ATP2B1: variants seen among roughly 807,000 people sequenced by gnomAD.
ATP2B1 encodes the protein ATPase plasma membrane Ca2+ transporting 1, also known as plasma membrane calcium-transporting ATPase 1.
In ATP2B1, 14 loss-of-function variants were observed where a neutral mutation model predicts 124.2. The ratio of observed to expected loss-of-function variants is 0.11; its 90% CI spans 0.07 to 0.18. ATP2B1 has a LOEUF of 0.18. Among genes scored for constraint, ATP2B1 ranks in the 10% least tolerant of loss-of-function variants. The pLI is 1.00. For missense variants in ATP2B1, 763 were observed against 1,466.1 expected (o/e 0.52, Z 7.83); for synonymous variants, 449 against 492.4 (o/e 0.91, Z 1.17).
intron 1 of ATP2B1, among the ~76,000 whole-genome samples, chr12:89,675,874 A>G (rs1399747703): frequency 6.6e-6 from 1 of 152,184 alleles, no homozygotes; most frequent in Non-Finnish European, 1.5e-5. Context: ...AGTTATTTTT[A>G]GTATTATTAT....
chr12:89,645,774 G>A (rs1234520708), intron 2 of ATP2B1, among the ~76,000 whole-genome samples: 1 of 152,182 alleles, frequency 6.6e-6, no homozygotes, highest in South Asian at 2.1e-4. Flanking sequence ...TAAGAACATG[G>A]GGGCTAGGGA....
chr12:89,655,189 C>A (rs1438814691), intron 2 of ATP2B1, among the ~76,000 whole-genome samples: 1 of 152,132 alleles, frequency 6.6e-6, no homozygotes, highest in Non-Finnish European at 1.5e-5. Context: ...AACTAACTTC[C>A]ATCTCTTCTA....
At chr12:89,619,945 C>A (rs962485807) in intron 11 of ATP2B1, 54 bp downstream of exon 11, 1 of 1,593,414 alleles carries the variant, frequency 6.3e-7, no homozygotes, top group Non-Finnish European at 8.6e-7. Flanking sequence ...ACAGTAGATA[C>A]TCCATAAAGC....
chr12:89,588,473 A>C lies in ATP2B1; in HGVS notation c.*2511T>G, dbSNP rs1307068846. Reference sequence around the variant, plus strand: ...CAAAATTAAACAATTTTTTGGTTAGAGGATAAAAGAGAAAAAGTGATTGAA... The same window carrying C: ...CAAAATTAAACAATTTTTTGGTTAGCGGATAAAAGAGAAAAAGTGATTGAA... On this transcript the variant is annotated 3_prime_UTR_variant, in exon 21 of 21. Transcript: ENST00000428670. The C allele has an allele frequency of 1.3e-5, 2 of 152,604 alleles. No homozygotes were observed. Among genetic ancestry groups the C allele is most frequent in the Non-Finnish European group, 2.9e-5 (2 of 68,012 alleles). The allele number at this position is 152,604 out of a possible 1,614,324, so 9.5% of individuals were successfully genotyped here.
intron 1 of ATP2B1, among the ~76,000 whole-genome samples, chr12:89,659,672 C>T (rs1475351909): frequency 1.3e-5 from 2 of 152,074 alleles, no homozygotes; most frequent in African/African-American, 4.8e-5. Context: ...CCTGTAATCC[C>T]AGCACTTTGG....
rs575362891 is a variant in ATP2B1 at position 89,691,180 on chromosome 12, G to GA, written c.-222+17415dup. Among the ~76,000 whole-genome samples the GA allele has an allele frequency of 3.1e-3, 472 of 150,596 alleles. 2 individuals carry two copies. The highest frequency in any genetic ancestry group is 0.02 in the South Asian group (93 of 4,758). On this transcript the variant is annotated intron_variant, in intron 1 of 20. Coordinates refer to ENST00000428670, the MANE Select transcript of ATP2B1 (RefSeq NM_001366521.1). ...ACTGATTCATTTCTCTGTCTACAGG[G>GA]AAAAAAAAATCATCATCCTATTTAG... is the stretch of plus-strand genomic sequence containing the variant.
chr12:89,650,941 C>T (rs959600798), intron 2 of ATP2B1, among the ~76,000 whole-genome samples: 6 of 152,066 alleles, frequency 3.9e-5, no homozygotes, highest in Non-Finnish European at 8.8e-5. Context: ...TAATTTTATG[C>T]AGTTAGGATG....
intron 6 of ATP2B1, among the ~76,000 whole-genome samples, chr12:89,628,027 C>A (rs1881174633): frequency 6.6e-6 from 1 of 151,532 alleles, no homozygotes; most frequent in African/African-American, 2.4e-5. Flanking sequence ...CAAATATAAC[C>A]CCAAGAAAGC....
chr12:89,654,695 G>T (rs1885739740), intron 2 of ATP2B1, among the ~76,000 whole-genome samples: 1 of 152,182 alleles, frequency 6.6e-6, no homozygotes, highest in East Asian at 1.9e-4. Context: ...TTTTGGAAAA[G>T]ACTTTTTGCT....
At chr12:89,641,481 C>T (rs564943049) in intron 3 of ATP2B1, among the ~76,000 whole-genome samples, 1 of 152,242 alleles carries the variant, frequency 6.6e-6, no homozygotes, top group Admixed American at 6.5e-5. Flanking sequence ...GTTTCATATA[C>T]ACCTTATACA....
intron 1 of ATP2B1, among the ~76,000 whole-genome samples, chr12:89,700,359 C>T (rs1427646002): frequency 6.6e-6 from 1 of 152,094 alleles, no homozygotes; most frequent in African/African-American, 2.4e-5. Context: ...TACCCTTTAA[C>T]TCAGTAGTTC....
intron 2 of ATP2B1, among the ~76,000 whole-genome samples, chr12:89,654,851 T>A (rs530137779): frequency 5.0e-4 from 76 of 152,294 alleles, no homozygotes; most frequent in Non-Finnish European, 9.3e-4. Flanking sequence ...TAATTTCTCA[T>A]CCTTAATAAA....
At chr12:89,645,423 G>C (rs1432903499) in intron 2 of ATP2B1, among the ~76,000 whole-genome samples, 1 of 152,122 alleles carries the variant, frequency 6.6e-6, no homozygotes, top group Non-Finnish European at 1.5e-5. Context: ...GTGTGAACAA[G>C]AACATTCAAT....
intron 2 of ATP2B1, among the ~76,000 whole-genome samples, chr12:89,647,349 A>G (rs79655963): frequency 0.02 from 3,084 of 152,298 alleles, 85 homozygotes; most frequent in African/African-American, 0.069. Context: ...ATAAAAGTCT[A>G]TATTTGATCT....
At position 89,610,666 on chromosome 12, in the gene ATP2B1, C is replaced by A. The variant is rs375777168; in HGVS notation, c.2248-158G>T. 126 of 626,956 alleles carry A rather than the reference C, an allele frequency of 2.0e-4. 2 individuals carry two copies. The South Asian group carries it at 2.4e-3, about 12-fold the overall frequency. 38.8% of individuals were successfully genotyped at this position (626,956 alleles called of 1,614,324 possible). A position where few individuals can be genotyped will look rare whatever the true frequency, so the allele number is the denominator to read the frequency against. ...GAAACGTGAATTCTTGGGCATGGACCCAGATCTATCTTAGCGAATACTGTG... is the reference window on the plus strand; with the variant it reads ...GAAACGTGAATTCTTGGGCATGGACACAGATCTATCTTAGCGAATACTGTG... On this transcript the variant is annotated intron_variant, in intron 13 of 20. Coordinates refer to ENST00000428670, the MANE Select transcript of ATP2B1 (RefSeq NM_001366521.1).
At chr12:89,591,972 T>C (rs562729306) in intron 20 of ATP2B1, among the ~76,000 whole-genome samples, 1 of 152,054 alleles carries the variant, frequency 6.6e-6, no homozygotes, top group Non-Finnish European at 1.5e-5. Flanking sequence ...AATCAATTAC[T>C]ACAGTTATCT....
At chr12:89,613,410 A>C (rs1878394458) in intron 12 of ATP2B1, among the ~76,000 whole-genome samples, 2 of 152,292 alleles carry the variant, frequency 1.3e-5, no homozygotes, top group South Asian at 2.1e-4. Context: ...TAGTGATTCA[A>C]ATCATTGGAG....
intron 1 of ATP2B1, among the ~76,000 whole-genome samples, chr12:89,658,598 GGAGAGAGAGAGAGAGAGAGAGAGAGA>G (rs67298800): frequency 2.6e-4 from 18 of 69,580 alleles, no homozygotes; most frequent in East Asian, 2.0e-3. Context: ...AATTCAAACA[GGAGAGAGAGAGAGAGAGAGAGAGAGA>G]GAGAGAGAGA....
At chr12:89,597,304 AAAAG>A (rs1874809661) in intron 20 of ATP2B1, among the ~76,000 whole-genome samples, 1 of 152,126 alleles carries the variant, frequency 6.6e-6, no homozygotes, top group Admixed American at 6.6e-5. Flanking sequence ...GTAATTTTTA[AAAAG>A]AAGAGTTCTA....
Sources: allele counts gnomAD v4.1 joint callset (sites outside exome capture counted in the v4.1 genomes callset), GRCh38; gene constraint gnomAD v4.1.1; transcripts MANE v1.5; gene names NCBI Gene and HGNC (gene_info 2026-07-23, HGNC 2026-07-21).